The following DLG2 variants were observed in gnomAD, a reference collection of about 807,000 sequenced individuals.
DLG2 encodes discs large MAGUK scaffold protein 2, also known as disks large homolog 2.
Under a neutral mutation model 132.5 loss-of-function variants are expected in DLG2, and 45 were observed. The observed-to-expected ratio is 0.34, with a 90% CI of 0.27 to 0.44. The LOEUF (loss-of-function observed/expected upper bound fraction) is 0.44, where lower values mean the gene tolerates loss of function less well. DLG2 is among the 20% of genes least tolerant of loss of function. DLG2 has a pLI of 1.00. For synonymous variants in DLG2, 424 were observed against 419.6 expected (o/e 1.01, Z -0.13); for missense variants, 1,045 against 1,196.9 (o/e 0.87, Z 1.87).
chr11:83,492,630 A>AGTCTT (rs1343236113), intron 21 of DLG2, among the ~76,000 whole-genome samples: 18 of 152,104 alleles, frequency 1.2e-4, no homozygotes, highest in Admixed American at 1.2e-3. Flanking sequence ...GTCCTCCCTC[A>AGTCTT]GTCTTGTTCA....
intron 6 of DLG2, among the ~76,000 whole-genome samples, chr11:84,688,489 T>C (rs1235604591): frequency 1.3e-5 from 2 of 152,222 alleles, no homozygotes; most frequent in African/African-American, 4.8e-5. Context: ...TTTCATTCAC[T>C]GATTTACATA....
chr11:83,910,045 G>A (rs190941800), intron 15 of DLG2, among the ~76,000 whole-genome samples: 30 of 152,238 alleles, frequency 2.0e-4, no homozygotes, highest in African/African-American at 6.5e-4. Context: ...AATTTTATCT[G>A]AGTCTTTTGT....
intron 7 of DLG2, among the ~76,000 whole-genome samples, chr11:84,265,939 A>G (rs115976038): frequency 1.3e-4 from 20 of 152,296 alleles, no homozygotes; most frequent in African/African-American, 4.6e-4. Context: ...ATGGAAGAGG[A>G]CTGCCATTAT....
intron 6 of DLG2, among the ~76,000 whole-genome samples, chr11:84,747,360 A>G (rs2065511795): frequency 6.6e-6 from 1 of 152,216 alleles, no homozygotes; most frequent in Non-Finnish European, 1.5e-5. Context: ...CAGTAAAAAT[A>G]CACTTACCAT....
At chr11:84,138,416 A>T (rs1377457713) in intron 9 of DLG2, among the ~76,000 whole-genome samples, 1 of 152,192 alleles carries the variant, frequency 6.6e-6, no homozygotes, top group Non-Finnish European at 1.5e-5. Context: ...CAGTTCACCT[A>T]GGAGCATCCT....
rs371750981 is a variant in DLG2 at position 84,597,133 on chromosome 11, T to G, written c.358-62402A>C. Among the ~76,000 whole-genome samples, 17 of 152,164 alleles carry G rather than the reference T, an allele frequency of 1.1e-4. No homozygotes were observed. The East Asian group carries it at 3.3e-3, about 29-fold the overall frequency. On this transcript the variant is annotated intron_variant, in intron 6 of 27. Transcript: ENST00000376104. ...TACTTGGGAGGCTGAGGCAGGAGAA[T>G]TGCTTGAACCTAGGAGGCAGAGGTT...
intron 6 of DLG2, among the ~76,000 whole-genome samples, chr11:85,047,572 T>C (rs1005739684): frequency 1.3e-5 from 2 of 151,886 alleles, no homozygotes; most frequent in Non-Finnish European, 2.9e-5. Flanking sequence ...TATAATGTAT[T>C]ACATAATCTC....
chr11:83,951,743 A>G (rs2085498573), intron 14 of DLG2, among the ~76,000 whole-genome samples: 1 of 152,220 alleles, frequency 6.6e-6, no homozygotes, highest in Non-Finnish European at 1.5e-5. Context: ...CTCATAAATA[A>G]GGGCTTTAGA....
intron 3 of DLG2, among the ~76,000 whole-genome samples, chr11:85,381,352 C>A (rs1460702956): frequency 6.6e-6 from 1 of 152,114 alleles, no homozygotes. Flanking sequence ...GCCTCTTCAA[C>A]ATGAATAAAG....
chr11:83,828,073 A>G (rs1025753150), intron 17 of DLG2, among the ~76,000 whole-genome samples: 2 of 152,160 alleles, frequency 1.3e-5, no homozygotes, highest in South Asian at 2.1e-4. Flanking sequence ...CTGGAAAAAA[A>G]TCCCTATAAT....
chr11:85,321,111 G>C (rs2081036892), intron 3 of DLG2, among the ~76,000 whole-genome samples: 1 of 151,890 alleles, frequency 6.6e-6, no homozygotes, highest in Non-Finnish European at 1.5e-5. Flanking sequence ...ATTTGAATGA[G>C]GGTAATAATG....
intron 8 of DLG2, among the ~76,000 whole-genome samples, chr11:84,242,506 A>G (rs943332459): frequency 6.6e-6 from 1 of 151,860 alleles, no homozygotes; most frequent in African/African-American, 2.4e-5. Context: ...CCCAGGTTCA[A>G]CTGATTCTCC....
intron 18 of DLG2, among the ~76,000 whole-genome samples, chr11:83,644,687 A>G (rs746330472): frequency 2.0e-5 from 3 of 152,096 alleles, no homozygotes; most frequent in Non-Finnish European, 2.9e-5. Context: ...TATGGTAACA[A>G]TTTCATGCTC....
At chr11:83,828,576 A>T (rs1409106224) in intron 17 of DLG2, among the ~76,000 whole-genome samples, 1 of 152,190 alleles carries the variant, frequency 6.6e-6, no homozygotes, top group Non-Finnish European at 1.5e-5. Flanking sequence ...AGCCTGTACA[A>T]ATGAACCTAT....
chr11:83,960,414 TAA>T (rs2088295973), intron 14 of DLG2, among the ~76,000 whole-genome samples: 1 of 152,058 alleles, frequency 6.6e-6, no homozygotes, highest in Admixed American at 6.6e-5. Context: ...AGTTAACATT[TAA>T]AAAATGAAGA....
chr11:84,794,671 C>T (rs979336852), intron 6 of DLG2, among the ~76,000 whole-genome samples: 2 of 152,208 alleles, frequency 1.3e-5, no homozygotes, highest in African/African-American at 2.4e-5. Flanking sequence ...TGCCTGCTCC[C>T]GCTCCCTGGT....
At chr11:84,422,588 T>C (rs2098954472) in intron 7 of DLG2, among the ~76,000 whole-genome samples, 1 of 152,200 alleles carries the variant, frequency 6.6e-6, no homozygotes, top group African/African-American at 2.4e-5. Context: ...CATTCAATTT[T>C]CCCAATTTTA....
At chr11:84,834,442 GA>G (rs1370662430) in intron 6 of DLG2, among the ~76,000 whole-genome samples, 2 of 151,450 alleles carry the variant, frequency 1.3e-5, no homozygotes, top group Non-Finnish European at 3.0e-5. Context: ...AAAATTCCTT[GA>G]AATTTTATTT....
chr11:83,818,247 T>C (rs1174276920), intron 17 of DLG2, among the ~76,000 whole-genome samples: 1 of 152,222 alleles, frequency 6.6e-6, no homozygotes, highest in East Asian at 1.9e-4. Flanking sequence ...GGGCTGTTGA[T>C]AATTCTTGAG....
Sources: allele counts gnomAD v4.1 joint callset (sites outside exome capture counted in the v4.1 genomes callset), GRCh38; gene constraint gnomAD v4.1.1; transcripts MANE v1.5; gene names NCBI Gene and HGNC (gene_info 2026-07-23, HGNC 2026-07-21).